HK2: variants seen among roughly 807,000 people sequenced by gnomAD.
The protein encoded by HK2 is hexokinase 2.
Under a neutral mutation model 92.9 loss-of-function variants are expected in HK2, and 42 were observed. The ratio of observed to expected loss-of-function variants is 0.45; its 90% CI spans 0.35 to 0.58. The LOEUF (loss-of-function observed/expected upper bound fraction) is 0.58, where lower values mean the gene tolerates loss of function less well. Ranked by LOEUF, HK2 falls within the 20% of genes least tolerant of loss-of-function variation. The pLI is 0.00. For synonymous variants in HK2, 422 were observed against 468.0 expected (o/e 0.90, Z 1.27); for missense variants, 978 against 1,245.1 (o/e 0.79, Z 3.23).
At position 74,873,746 on chromosome 2, in the gene HK2, AAGG is replaced by A. The variant is rs112954107; in HGVS notation, c.592-77_592-75del. The A allele has an allele frequency of 5.3e-3, 3,867 of 725,466 alleles. 16 individuals carry two copies. The highest frequency in any genetic ancestry group is 0.01 in the East Asian group (367 of 36,638). The allele number at this position is 725,466 out of a possible 1,614,324, so 44.9% of individuals were successfully genotyped here. On this transcript the variant is annotated intron_variant, in intron 5 of 17. Coordinates refer to ENST00000290573, the MANE Select transcript of HK2 (RefSeq NM_000189.5). Reference sequence around the variant, plus strand: ...GGGGAGGGAGGGGGGAGAGAGAGAGAAGGAGGAGGAGGAGGAGGAGGAGTGATA... The same window carrying A: ...GGGGAGGGAGGGGGGAGAGAGAGAGAAGGAGGAGGAGGAGGAGGAGTGATA...
chr2:74,889,884 G>C (rs191984008), intron 17 of HK2, among the ~76,000 whole-genome samples: 1 of 152,222 alleles, frequency 6.6e-6, no homozygotes. Context: ...GTTTTGAGAC[G>C]CATCCGCATT....
chr2:74,853,390 C>A (rs368237759), intron 1 of HK2, among the ~76,000 whole-genome samples: 1 of 151,668 alleles, frequency 6.6e-6, no homozygotes. Context: ...GGTGGTGCAC[C>A]GCTGTAATCC....
intron 1 of HK2, among the ~76,000 whole-genome samples, chr2:74,849,754 A>C (rs3771787): frequency 0.18 from 26,767 of 152,054 alleles, 2,942 homozygotes; most frequent in East Asian, 0.33. Context: ...TATGCTAATG[A>C]CTCTGTCATG....
chr2:74,867,930 C>G, intron 3 of HK2, 146 bp downstream of exon 3: 1 of 897,578 alleles, frequency 1.1e-6, no homozygotes, highest in Non-Finnish European at 1.8e-6. Context: ...AGGGCTCCCT[C>G]TCAGCCGGAG....
At chr2:74,874,521 G>T in intron 7 of HK2, 72 bp downstream of exon 7, 1 of 1,443,448 alleles carries the variant, frequency 6.9e-7, no homozygotes, top group Non-Finnish European at 9.4e-7. Context: ...GTCGGGGCCA[G>T]GGGGTTGTTT....
At chr2:74,879,014 G>A (rs886130488) in intron 9 of HK2, 93 bp downstream of exon 9, 1 of 1,077,820 alleles carries the variant, frequency 9.3e-7, no homozygotes, top group East Asian at 2.6e-5. Context: ...CATTTCAGGG[G>A]TGGTGTGGAG....
chr2:74,866,502 C>A (rs1338981889), intron 2 of HK2, among the ~76,000 whole-genome samples: 1 of 152,210 alleles, frequency 6.6e-6, no homozygotes, highest in Non-Finnish European at 1.5e-5. Flanking sequence ...CTGCAGGTTC[C>A]GCGCCTCTTC....
intron 3 of HK2, among the ~76,000 whole-genome samples, chr2:74,871,051 T>C (rs1689086124): frequency 6.6e-6 from 1 of 152,180 alleles, no homozygotes. Flanking sequence ...CCTTTATAAA[T>C]GTAAGAACTT....
chr2:74,854,210 A>T, intron 1 of HK2, 83 bp from the exon 2 acceptor site: 2 of 1,295,038 alleles, frequency 1.5e-6, no homozygotes, highest in Non-Finnish European at 2.2e-6. Flanking sequence ...TCTTTTGAAG[A>T]GCTGAGTGGT....
At chr2:74,844,794 G>T (rs553075349) in intron 1 of HK2, among the ~76,000 whole-genome samples, 2 of 152,328 alleles carry the variant, frequency 1.3e-5, no homozygotes, top group East Asian at 3.9e-4. Context: ...ATGCAGTGTG[G>T]GCGCCAGCCT....
At chr2:74,860,753 G>A (rs2103910770) in intron 2 of HK2, among the ~76,000 whole-genome samples, 1 of 152,242 alleles carries the variant, frequency 6.6e-6, no homozygotes, top group East Asian at 1.9e-4. Context: ...TAAACAACTA[G>A]GAGTGGAATT....
At chr2:74,836,398 G>C (rs989324028) in intron 1 of HK2, among the ~76,000 whole-genome samples, 1 of 152,200 alleles carries the variant, frequency 6.6e-6, no homozygotes, top group African/African-American at 2.4e-5. Flanking sequence ...ATCTGGAAAT[G>C]AGTTGTAATC....
In HK2 at chr2:74,849,527, C is replaced by T. The variant is rs1364204887; in HGVS notation, c.64-4766C>T. On this transcript the variant is annotated intron_variant, in intron 1 of 17. Transcript: ENST00000290573. Reference sequence around the variant, plus strand: ...CTGGAATGCCCCCTCCTCCTTTCCTCCTCTCCCAGATAGAGATTTAAAGAG... The same window carrying T: ...CTGGAATGCCCCCTCCTCCTTTCCTTCTCTCCCAGATAGAGATTTAAAGAG... 3.3e-5 allele frequency among the ~76,000 whole-genome samples: 5 copies of T among 152,316 alleles called. No individual in the cohort carries two copies. In the East Asian group the frequency reaches 5.8e-4, roughly 18 times the overall value.
chr2:74,835,117 G>C, intron 1 of HK2: 1 of 222,330 alleles, frequency 4.5e-6, no homozygotes, highest in Non-Finnish European at 9.1e-6. Context: ...GGAGACGAGC[G>C]GTTCCCTTCT....
intron 11 of HK2, 107 bp downstream of exon 11, chr2:74,881,966 G>C: frequency 6.9e-7 from 1 of 1,442,632 alleles, no homozygotes; most frequent in Non-Finnish European, 9.7e-7. Flanking sequence ...GGGCTAGCTG[G>C]ACCCAGGGCT....
chr2:74,872,371 A>T lies in HK2; in HGVS notation c.447A>T (p.Pro149=), dbSNP rs112341087. Residue 149 remains proline (P), a synonymous_variant, in exon 4 of 18, where the codon CCA becomes CCT. Coordinates refer to ENST00000290573, the MANE Select transcript of HK2 (RefSeq NM_000189.5). The part of the protein sequence containing the change: ...DKLQIKDKKL[P]LGFTFSFPCH... ...TACAAATCAAAGACAAGAAGCTCCC[A>T]CTGGGTTTTACCTTCTCGTTCCCCT... The T allele has an allele frequency of 1.8e-4, 296 of 1,614,048 alleles. 1 individual carries two copies. In the African/African-American group the frequency reaches 2.6e-3, roughly 14 times the overall value.
rs760424505 is a variant in HK2 at position 74,886,685 on chromosome 2, A to C, written c.2219+12A>C. 6.2e-7 allele frequency: 1 copy of C among 1,613,496 alleles called. No homozygotes were observed. Among genetic ancestry groups the C allele is most frequent in the Non-Finnish European group, 8.5e-7 (1 of 1,179,776 alleles). The stretch of plus-strand genomic sequence containing the variant: ...CCCGGCAAGCAGAGGTAGGCACCCA[A>C]CTGGGGCCCTGTTAAGTGTATCCCA... On this transcript the variant is annotated intron_variant, in intron 15 of 17. Transcript: ENST00000290573.
At position 74,840,904 on chromosome 2, in the gene HK2, A is replaced by AAAAG. The variant is rs869156790; in HGVS notation, c.63+6261_63+6262insAAAG. Among the ~76,000 whole-genome samples, 253 of 114,018 alleles carry AAAAG rather than the reference A, an allele frequency of 2.2e-3. 25 individuals are homozygous for AAAAG. The highest frequency in any genetic ancestry group is 4.4e-3 in the South Asian group (16 of 3,600). The allele number at this position is 114,018 out of a possible 152,430, so 74.8% of individuals were successfully genotyped here. A position where few individuals can be genotyped will look rare whatever the true frequency, so the allele number is the denominator to read the frequency against. ...AAAAAAAAAAAAAAAAAAAAAAAAA[A>AAAAG]GCTGTGGGGGTTGGGATGTGGCAAA... On this transcript the variant is annotated intron_variant, in intron 1 of 17. Coordinates refer to ENST00000290573, the MANE Select transcript of HK2 (RefSeq NM_000189.5).
At chr2:74,843,409 G>T (rs1313907974) in intron 1 of HK2, among the ~76,000 whole-genome samples, 2 of 152,202 alleles carry the variant, frequency 1.3e-5, no homozygotes, top group Non-Finnish European at 2.9e-5. Context: ...AGGAGTCTTG[G>T]CCCTGTTCCT....
Sources: allele counts gnomAD v4.1 joint callset (sites outside exome capture counted in the v4.1 genomes callset), GRCh38; gene constraint gnomAD v4.1.1; transcripts MANE v1.5; gene names NCBI Gene and HGNC (gene_info 2026-07-23, HGNC 2026-07-21).